Variants in RALYL observed in about 807,000 individuals in gnomAD.
The protein encoded by RALYL is RALY RNA binding protein like.
RALYL carries 29 observed loss-of-function variants against 35.1 expected under a neutral mutation model. That is an observed-to-expected ratio of 0.83 (90% confidence interval 0.61 to 1.13). RALYL has a LOEUF of 1.13. Ranked by LOEUF, RALYL falls within the 50% of genes most tolerant of loss-of-function variation. RALYL has a pLI of 0.00. For missense variants in RALYL, 359 were observed against 360.4 expected, an observed-to-expected ratio of 1.00 and a Z score of 0.03; for synonymous variants, 120 against 127.6, an observed-to-expected ratio of 0.94 and a Z score of 0.40.
At chr8:84,874,162 C>G (rs921101859) in intron 7 of RALYL, among the ~76,000 whole-genome samples, 1 of 152,190 alleles carries the variant, frequency 6.6e-6, no homozygotes, top group African/African-American at 2.4e-5. Flanking sequence ...GGTAGACAGA[C>G]TTATGCCTCT....
At chr8:84,919,678 A>T (rs1849021363) in intron 8 of RALYL, among the ~76,000 whole-genome samples, 1 of 152,134 alleles carries the variant, frequency 6.6e-6, no homozygotes, top group East Asian at 1.9e-4. Context: ...GAAAGAGAAT[A>T]TATCAAAATA....
At chr8:84,356,453 A>G (rs180702345) in intron 1 of RALYL, among the ~76,000 whole-genome samples, 1 of 150,556 alleles carries the variant, frequency 6.6e-6, no homozygotes, top group East Asian at 1.9e-4. Flanking sequence ...CCTCATTGCT[A>G]CATTGCTACA....
chr8:84,360,770 G>A (rs1407588047), intron 1 of RALYL, among the ~76,000 whole-genome samples: 1 of 152,070 alleles, frequency 6.6e-6, no homozygotes, highest in Non-Finnish European at 1.5e-5. Flanking sequence ...TGCAGGCATT[G>A]AGTGTGGGGA....
At chr8:84,802,106 C>T (rs1027714001) in intron 3 of RALYL, among the ~76,000 whole-genome samples, 2 of 152,096 alleles carry the variant, frequency 1.3e-5, no homozygotes, top group Admixed American at 6.5e-5. Context: ...TCTGCTCTGC[C>T]ACAACTACTC....
At chr8:84,529,154 T>A (rs2059107196) in intron 1 of RALYL, 145 bp from the exon 2 acceptor site, 6 of 772,936 alleles carry the variant, frequency 7.8e-6, no homozygotes, top group Admixed American at 3.0e-5. Flanking sequence ...ATATTAATTT[T>A]ATTCTCAAGA....
At chr8:84,860,592 T>G (rs562704327) in intron 5 of RALYL, among the ~76,000 whole-genome samples, 2 of 152,288 alleles carry the variant, frequency 1.3e-5, no homozygotes, top group South Asian at 4.1e-4. Context: ...ATGGATGATA[T>G]TCATAACCCT....
intron 2 of RALYL, among the ~76,000 whole-genome samples, chr8:84,579,122 C>G (rs1374737350): frequency 6.6e-6 from 1 of 152,182 alleles, no homozygotes; most frequent in African/African-American, 2.4e-5. Flanking sequence ...AAGCAGCCCT[C>G]AGCCCCCCTA....
At chr8:84,389,274 C>T (rs1172346002) in intron 1 of RALYL, among the ~76,000 whole-genome samples, 1 of 152,086 alleles carries the variant, frequency 6.6e-6, no homozygotes, top group Non-Finnish European at 1.5e-5. Flanking sequence ...AGTCAGGTAG[C>T]ATGATGCTTC....
intron 2 of RALYL, among the ~76,000 whole-genome samples, chr8:84,531,419 A>G (rs2059269606): frequency 1.3e-5 from 2 of 152,232 alleles, no homozygotes; most frequent in Non-Finnish European, 2.9e-5. Flanking sequence ...TTTTATTTAC[A>G]TTGGTCCCAT....
chr8:84,424,270 A>G (rs1391075027), intron 1 of RALYL, among the ~76,000 whole-genome samples: 151 of 142,126 alleles, frequency 1.1e-3, no homozygotes, highest in African/African-American at 3.7e-3. Flanking sequence ...TTTTTCTCTA[A>G]ACTTCCCTTC....
intron 1 of RALYL, among the ~76,000 whole-genome samples, chr8:84,263,236 G>A (rs1464773525): frequency 1.3e-5 from 2 of 151,934 alleles, no homozygotes; most frequent in East Asian, 1.9e-4. Flanking sequence ...AAAATGCCTG[G>A]GACTCATGTA....
At chr8:84,228,176 A>T (rs1424102608) in intron 1 of RALYL, among the ~76,000 whole-genome samples, 3 of 138,580 alleles carry the variant, frequency 2.2e-5, no homozygotes, top group African/African-American at 5.5e-5. Flanking sequence ...AAAAAAAAAA[A>T]TGTGATTGTG....
At chr8:84,593,595 A>G (rs942804856) in intron 2 of RALYL, among the ~76,000 whole-genome samples, 6 of 152,118 alleles carry the variant, frequency 3.9e-5, no homozygotes, top group Admixed American at 3.9e-4. Flanking sequence ...AGAAGACTTT[A>G]TGAAGGTAAG....
intron 2 of RALYL, among the ~76,000 whole-genome samples, chr8:84,653,203 T>C (rs1349461724): frequency 6.6e-6 from 1 of 152,110 alleles, no homozygotes; most frequent in African/African-American, 2.4e-5. Context: ...CTACTCTTCT[T>C]CAGCTGCTTT....
intron 2 of RALYL, among the ~76,000 whole-genome samples, chr8:84,673,738 A>T (rs1833692031): frequency 6.6e-6 from 1 of 152,110 alleles, no homozygotes; most frequent in Non-Finnish European, 1.5e-5. Context: ...TTGGCCCTCT[A>T]TGTGTCTGTT....
At chr8:84,819,738 T>G (rs1330457691) in intron 4 of RALYL, among the ~76,000 whole-genome samples, 1 of 152,186 alleles carries the variant, frequency 6.6e-6, no homozygotes, top group Admixed American at 6.5e-5. Flanking sequence ...CAGGCAGCAA[T>G]ATAGTGTTAC....
intron 2 of RALYL, among the ~76,000 whole-genome samples, chr8:84,746,871 TGTAAG>T (rs1252684292): frequency 6.6e-6 from 1 of 151,900 alleles, no homozygotes; most frequent in African/African-American, 2.4e-5. Flanking sequence ...ATGTAGATAA[TGTAAG>T]GAAAGTTACT....
At chr8:84,249,091 T>A (rs557745322) in intron 1 of RALYL, among the ~76,000 whole-genome samples, 1 of 152,180 alleles carries the variant, frequency 6.6e-6, no homozygotes, top group South Asian at 2.1e-4. Flanking sequence ...AGAACTGTGT[T>A]GGCAATATTG....
At chr8:84,349,493 T>C (rs1441034569) in intron 1 of RALYL, among the ~76,000 whole-genome samples, 1 of 150,246 alleles carries the variant, frequency 6.7e-6, no homozygotes, top group Non-Finnish European at 1.5e-5. Flanking sequence ...GAACTACTGC[T>C]GTCCCCTGCC....
Sources: gnomAD v4.1 joint callset for allele counts (sites outside exome capture counted in the v4.1 genomes callset) on GRCh38, gnomAD v4.1.1 for gene constraint, MANE v1.5 for transcripts, NCBI Gene and HGNC (gene_info 2026-07-23, HGNC 2026-07-21) for gene names.